The following PACRG variants were observed in gnomAD, a reference collection of about 807,000 sequenced individuals.
PACRG encodes the protein parkin coregulated gene protein.
In PACRG, 29 loss-of-function variants were observed where a neutral mutation model predicts 29.7. The observed-to-expected ratio is 0.98, with a 90% CI of 0.73 to 1.33. The LOEUF is 1.33. PACRG is among the 40% of genes most tolerant of loss of function. PACRG has a pLI of 0.00. For missense variants in PACRG, 279 were observed against 316.2 expected, an observed-to-expected ratio of 0.88 and a Z score of 0.89; for synonymous variants, 116 against 118.7, an observed-to-expected ratio of 0.98 and a Z score of 0.15.
chr6:162,891,181 G>A (rs1794728188), intron 2 of PACRG, among the ~76,000 whole-genome samples: 1 of 152,168 alleles, frequency 6.6e-6, no homozygotes, highest in South Asian at 2.1e-4. Flanking sequence ...TCTGACCCCA[G>A]CAGCACTGCA....
At chr6:162,736,394 A>G (rs1434893159) in intron 1 of PACRG, among the ~76,000 whole-genome samples, 2 of 151,802 alleles carry the variant, frequency 1.3e-5, no homozygotes, top group Admixed American at 6.6e-5. Context: ...TGTAGATTGT[A>G]TATATTTTAG....
intron 1 of PACRG, among the ~76,000 whole-genome samples, chr6:162,759,639 A>G (rs1408478303): frequency 6.6e-6 from 1 of 152,196 alleles, no homozygotes; most frequent in East Asian, 1.9e-4. Flanking sequence ...GTCTGAATAT[A>G]CTTTGGGGTA....
intron 4 of PACRG, among the ~76,000 whole-genome samples, chr6:163,255,618 TTTC>T (rs1274965362): frequency 6.7e-6 from 1 of 150,100 alleles, no homozygotes; most frequent in Non-Finnish European, 1.5e-5. Flanking sequence ...CCTGATTCTT[TTTC>T]TTCTTCTTGT....
chr6:163,251,431 TG>T (rs1393605513), intron 4 of PACRG, among the ~76,000 whole-genome samples: 2 of 152,202 alleles, frequency 1.3e-5, no homozygotes, highest in Non-Finnish European at 2.9e-5. Context: ...CGGAATGCAA[TG>T]ATTATGTATT....
intron 4 of PACRG, among the ~76,000 whole-genome samples, chr6:163,208,031 G>A (rs535086740): frequency 2.0e-5 from 3 of 152,280 alleles, no homozygotes; most frequent in South Asian, 4.1e-4. Flanking sequence ...GGCCACAGAC[G>A]GTCGGGCAAT....
rs1282845869 is a variant in PACRG, at chr6:162,943,591, C to T, written c.292-118559C>T. Among the ~76,000 whole-genome samples, 7 of 152,252 alleles carry T rather than the reference C, an allele frequency of 4.6e-5. No homozygotes were observed. In the South Asian group the frequency reaches 1.2e-3, roughly 27 times the overall value. On this transcript the variant is annotated intron_variant, in intron 2 of 4. Coordinates refer to ENST00000366888, the MANE Select transcript of PACRG (RefSeq NM_001080379.2). ...TGGGGGCCTGGGGATCACCCTGTCA[C>T]TGCCTACCACAGCCAGTGCCTGCAG...
intron 3 of PACRG, among the ~76,000 whole-genome samples, chr6:163,067,204 A>G (rs897478584): frequency 3.3e-5 from 5 of 152,362 alleles, no homozygotes; most frequent in Admixed American, 6.5e-5. Flanking sequence ...GCTCCAGATC[A>G]GCAGATGCGA....
chr6:162,889,840 ATT>A (rs1464467009), intron 2 of PACRG, among the ~76,000 whole-genome samples: 1 of 152,250 alleles, frequency 6.6e-6, no homozygotes, highest in Non-Finnish European at 1.5e-5. Context: ...AAGCTACCTT[ATT>A]TTGAGGTACA....
At chr6:162,928,494 T>C (rs1008707448) in intron 2 of PACRG, among the ~76,000 whole-genome samples, 12 of 152,082 alleles carry the variant, frequency 7.9e-5, no homozygotes, top group African/African-American at 2.9e-4. Flanking sequence ...TGATACATAA[T>C]AGATTTGCAT....
At position 162,778,000 on chromosome 6, in the gene PACRG, G is replaced by A; in HGVS notation, c.157-36147G>A. ...TTGGCCCGTAAGTATGTAGTTGTGA[G>A]CTAACCGACACTATTCAGGCCTCAC... On this transcript the variant is annotated intron_variant, in intron 1 of 4. Transcript: ENST00000366888. This position sits in a 1 kb window ranked among gnomAD's most constrained non-coding sequence, Gnocchi z 4.0. Among the ~76,000 whole-genome samples the A allele has an allele frequency of 6.6e-6, 1 of 152,114 alleles. No homozygotes were observed. Among genetic ancestry groups the A allele is most frequent in the East Asian group, 1.9e-4 (1 of 5,186 alleles).
chr6:162,761,224 C>T (rs1168640419), intron 1 of PACRG, among the ~76,000 whole-genome samples: 3 of 152,228 alleles, frequency 2.0e-5, no homozygotes, highest in African/African-American at 7.2e-5. Context: ...CACCTTATCC[C>T]TGAGTCCAAC....
chr6:162,747,325 C>CAT (rs1190146053), intron 1 of PACRG, among the ~76,000 whole-genome samples: 727 of 33,198 alleles, frequency 0.022, 15 homozygotes, highest in South Asian at 0.033. Flanking sequence ...TCTCCTTGCT[C>CAT]ATATATATAT....
At chr6:162,995,113 T>G in intron 2 of PACRG, among the ~76,000 whole-genome samples, 1 of 150,928 alleles carries the variant, frequency 6.6e-6, no homozygotes, top group Non-Finnish European at 1.5e-5. Flanking sequence ...GATCTCCAGC[T>G]GCGTGCTGGG....
At chr6:162,982,733 A>G (rs936678137) in intron 2 of PACRG, among the ~76,000 whole-genome samples, 3 of 151,964 alleles carry the variant, frequency 2.0e-5, no homozygotes, top group Middle Eastern at 3.2e-3. Context: ...CATATGGTCT[A>G]TCTTGGAGAA....
At chr6:163,282,644 G>A (rs1256193838) in intron 4 of PACRG, among the ~76,000 whole-genome samples, 1 of 151,740 alleles carries the variant, frequency 6.6e-6, no homozygotes, top group African/African-American at 2.4e-5. Flanking sequence ...ACTGGGAGGT[G>A]GAGGTTGAAA....
chr6:163,202,098 C>T (rs1780723987), intron 4 of PACRG, among the ~76,000 whole-genome samples: 1 of 152,254 alleles, frequency 6.6e-6, no homozygotes, highest in East Asian at 1.9e-4. Flanking sequence ...AGCAGGAGGG[C>T]AGCAGGGTTC....
At chr6:162,969,596 T>C (rs1403086153) in intron 2 of PACRG, among the ~76,000 whole-genome samples, 2 of 152,136 alleles carry the variant, frequency 1.3e-5, no homozygotes, top group African/African-American at 4.8e-5. Flanking sequence ...CTAATCTCTC[T>C]TCCTGGCCCC....
intron 4 of PACRG, among the ~76,000 whole-genome samples, chr6:163,197,997 A>G (rs1228460496): frequency 6.6e-6 from 1 of 152,200 alleles, no homozygotes; most frequent in East Asian, 1.9e-4. Context: ...CTTCATCATC[A>G]CTGATGCAAA....
chr6:162,857,573 A>T (rs1443336317), intron 2 of PACRG, among the ~76,000 whole-genome samples: 1 of 152,170 alleles, frequency 6.6e-6, no homozygotes, highest in Non-Finnish European at 1.5e-5. Context: ...TACAATGAAG[A>T]ATGAAGCTCT....
Sources: allele counts gnomAD v4.1 joint callset (sites outside exome capture counted in the v4.1 genomes callset), GRCh38; gene constraint gnomAD v4.1.1; non-coding constraint Gnocchi (gnomAD v3.1); transcripts MANE v1.5; gene names NCBI Gene and HGNC (gene_info 2026-07-23, HGNC 2026-07-21).